CFAP61: variants seen among roughly 807,000 people sequenced by gnomAD.
CFAP61 encodes the protein cilia and flagella associated protein 61.
CFAP61 carries 107 observed loss-of-function variants against 135.6 expected under a neutral mutation model. The observed-to-expected ratio is 0.79, with a 90% CI of 0.67 to 0.93. The LOEUF (loss-of-function observed/expected upper bound fraction) is 0.93, where lower values mean the gene tolerates loss of function less well. Among genes scored for constraint, CFAP61 ranks in the 40% least tolerant of loss-of-function variants. CFAP61 has a pLI of 0.00. For synonymous variants in CFAP61, 575 were observed against 578.5 expected (o/e 0.99, Z 0.09); for missense variants, 1,507 against 1,556.2 (o/e 0.97, Z 0.53).
chr20:20,192,382 A>G (rs912166545), intron 15 of CFAP61, among the ~76,000 whole-genome samples: 2 of 152,084 alleles, frequency 1.3e-5, no homozygotes, highest in Non-Finnish European at 2.9e-5. Flanking sequence ...TGGGCACAGC[A>G]TTATGGGTAC....
At chr20:20,245,087 AGTC>A (rs1195050283) in intron 18 of CFAP61, among the ~76,000 whole-genome samples, 4 of 152,220 alleles carry the variant, frequency 2.6e-5, no homozygotes, top group Admixed American at 6.5e-5. Flanking sequence ...CCATTCAACA[AGTC>A]TCTAGGGAGT....
chr20:20,272,408 A>G (rs2053427641), intron 21 of CFAP61, among the ~76,000 whole-genome samples: 1 of 152,208 alleles, frequency 6.6e-6, no homozygotes, highest in South Asian at 2.1e-4. Flanking sequence ...CCTGGGCTAC[A>G]GAGTGAGACT....
chr20:20,275,278 G>A (rs907810337), intron 21 of CFAP61, among the ~76,000 whole-genome samples: 3 of 152,164 alleles, frequency 2.0e-5, no homozygotes, highest in Admixed American at 6.5e-5. Flanking sequence ...CACCCACAAC[G>A]TGCTTCTTGT....
intron 25 of CFAP61, among the ~76,000 whole-genome samples, chr20:20,302,490 C>T (rs1185562608): frequency 6.6e-6 from 1 of 152,062 alleles, no homozygotes; most frequent in Non-Finnish European, 1.5e-5. Flanking sequence ...GGGGAAAACG[C>T]ATCTCTACTA....
At chr20:20,271,328 C>T (rs2053328189) in intron 21 of CFAP61, among the ~76,000 whole-genome samples, 1 of 152,144 alleles carries the variant, frequency 6.6e-6, no homozygotes, top group Admixed American at 6.6e-5. Context: ...AAGGTCATCT[C>T]TACATTTCTA....
At chr20:20,257,876 T>C (rs1211336742) in intron 20 of CFAP61, among the ~76,000 whole-genome samples, 1 of 152,058 alleles carries the variant, frequency 6.6e-6, no homozygotes, top group Non-Finnish European at 1.5e-5. Context: ...AACCCAAGAG[T>C]ACTATTTCAG....
At chr20:20,086,396 T>C (rs1187863132) in intron 6 of CFAP61, among the ~76,000 whole-genome samples, 1 of 143,406 alleles carries the variant, frequency 7.0e-6, no homozygotes, top group African/African-American at 2.6e-5. Context: ...AATTCCCACC[T>C]ATGAGTGAGA....
intron 13 of CFAP61, among the ~76,000 whole-genome samples, chr20:20,186,290 A>G (rs1222518493): frequency 6.6e-6 from 1 of 152,202 alleles, no homozygotes; most frequent in Non-Finnish European, 1.5e-5. Flanking sequence ...CCTTTTGTAT[A>G]TGGTTTCTCT....
rs889025020 is a variant in CFAP61, at chr20:20,052,576, T to G, written c.-52T>G. 6.2e-7 allele frequency: 1 copy of G among 1,613,910 alleles called. No homozygotes were observed. Among genetic ancestry groups the G allele is most frequent in the Non-Finnish European group, 8.5e-7 (1 of 1,179,880 alleles). On this transcript the variant is annotated 5_prime_UTR_variant, in exon 1 of 27. Coordinates refer to ENST00000245957, the MANE Select transcript of CFAP61 (RefSeq NM_015585.4). ...CGGCAGCGCGTGGAGTGCGGCGTCC[T>G]GGAGCTGCGGATGAGGTGGGTAACG...
chr20:20,314,353 G>A (rs962057770), intron 25 of CFAP61, among the ~76,000 whole-genome samples: 1 of 145,132 alleles, frequency 6.9e-6, no homozygotes, highest in Non-Finnish European at 1.5e-5. Flanking sequence ...TTGCACCACT[G>A]CACTCCCCAG....
At chr20:20,276,037 G>T (rs1016855947) in intron 21 of CFAP61, among the ~76,000 whole-genome samples, 1 of 152,196 alleles carries the variant, frequency 6.6e-6, no homozygotes, top group Non-Finnish European at 1.5e-5. Flanking sequence ...CATAGATGAA[G>T]AGCAGGGAGT....
At chr20:20,256,020 C>T (rs567482042) in intron 20 of CFAP61, among the ~76,000 whole-genome samples, 24 of 152,268 alleles carry the variant, frequency 1.6e-4, no homozygotes, top group South Asian at 8.3e-4. Flanking sequence ...ACGCTGGAGA[C>T]GCTGTAGGTG....
chr20:20,328,846 C>G (rs2057863312), intron 25 of CFAP61, among the ~76,000 whole-genome samples: 1 of 152,100 alleles, frequency 6.6e-6, no homozygotes, highest in Non-Finnish European at 1.5e-5. Context: ...CACCTCGTAC[C>G]CGATAGGATG....
intron 7 of CFAP61, among the ~76,000 whole-genome samples, chr20:20,096,947 A>T (rs762064879): frequency 6.6e-5 from 10 of 152,250 alleles, no homozygotes; most frequent in Non-Finnish European, 1.5e-4. Context: ...AGGAATATAC[A>T]TGAAAAAATT....
In CFAP61 at chr20:20,360,607, T is replaced by C; in HGVS notation, c.*197T>C. The stretch of plus-strand genomic sequence containing the variant: ...TAGGTGGCACACGGCCGTGTGCCTC[T>C]CTTCTGGGGCAGGCTCGCTTTACAA... On this transcript the variant is annotated 3_prime_UTR_variant, in exon 27 of 27. Transcript: ENST00000245957. The C allele has an allele frequency of 1.7e-6, 1 of 589,570 alleles. No homozygotes were observed. The allele number at this position is 589,570 out of a possible 1,614,324, so 36.5% of individuals were successfully genotyped here. A position where few individuals can be genotyped will look rare whatever the true frequency, so the allele number is the denominator to read the frequency against.
At chr20:20,356,342 T>G (rs1282478832) in intron 26 of CFAP61, among the ~76,000 whole-genome samples, 25 of 103,574 alleles carry the variant, frequency 2.4e-4, no homozygotes, top group South Asian at 3.2e-4. Flanking sequence ...TGAGGGGAGG[T>G]GGTCATACTG....
At chr20:20,263,345 G>C (rs2052424140) in intron 21 of CFAP61, among the ~76,000 whole-genome samples, 1 of 152,208 alleles carries the variant, frequency 6.6e-6, no homozygotes, top group Non-Finnish European at 1.5e-5. Flanking sequence ...GCTTGAGATA[G>C]TTTAATTATC....
chr20:20,119,125 T>C (rs1415100110), intron 8 of CFAP61, among the ~76,000 whole-genome samples: 1 of 152,198 alleles, frequency 6.6e-6, no homozygotes, highest in Non-Finnish European at 1.5e-5. Flanking sequence ...ACAGTAATGC[T>C]GTCCTCATAC....
rs74180984 is a variant in CFAP61, at chr20:20,181,276, TAC to T, written c.1386-6630_1386-6629del. The stretch of plus-strand genomic sequence containing the variant: ...TAACTTTTATATGTATGTGTATGTA[TAC>T]ACACACACACACACACACACACATA... On this transcript the variant is annotated intron_variant, in intron 13 of 26. Transcript: ENST00000245957. Among the ~76,000 whole-genome samples the T allele has an allele frequency of 3.7e-3, 528 of 144,578 alleles. 5 individuals are homozygous for T. The highest frequency in any genetic ancestry group is 7.9e-3 in the African/African-American group (309 of 38,992). 94.8% of individuals were successfully genotyped at this position (144,578 alleles called of 152,430 possible).
Sources: allele counts gnomAD v4.1 joint callset (sites outside exome capture counted in the v4.1 genomes callset), GRCh38; gene constraint gnomAD v4.1.1; transcripts MANE v1.5; gene names NCBI Gene and HGNC (gene_info 2026-07-23, HGNC 2026-07-21).